Variants in BPTF observed in about 807,000 individuals in gnomAD.
BPTF encodes the protein nucleosome-remodeling factor subunit BPTF.
BPTF carries 18 observed loss-of-function variants against 292.5 expected under a neutral mutation model. The observed-to-expected ratio is 0.06, with a 90% CI of 0.04 to 0.09. The LOEUF is 0.09. Among genes scored for constraint, BPTF ranks in the 10% least tolerant of loss-of-function variants. BPTF has a pLI of 1.00. For synonymous variants in BPTF, 1,225 were observed against 1,251.9 expected, an observed-to-expected ratio of 0.98 and a Z score of 0.45; for missense variants, 2,726 against 3,498.7, an observed-to-expected ratio of 0.78 and a Z score of 5.57.
chr17:67,929,439 A>G lies in BPTF; in HGVS notation c.6102A>G (p.Thr2034=). Residue 2034 remains threonine, a synonymous_variant, in exon 17 of 28, where the codon ACA becomes ACG. Transcript: ENST00000306378. ...TCCAGCCCAGGACAGCAACAGTCAC[A>G]ATTAGGCCCAATACCTCAGGCTCTG... ...TSFQPRTATV[T]IRPNTSGSGG... 1.2e-6 allele frequency: 2 copies of G among 1,614,166 alleles called. No homozygotes were observed. Among genetic ancestry groups the G allele is most frequent in the Middle Eastern group, 3.3e-4 (2 of 6,060 alleles).
At chr17:67,849,148 A>G (rs1460798754) in intron 1 of BPTF, among the ~76,000 whole-genome samples, 1 of 152,158 alleles carries the variant, frequency 6.6e-6, no homozygotes, top group Non-Finnish European at 1.5e-5. Flanking sequence ...AGTGGTTTTC[A>G]AACTTGCCGC....
At chr17:67,908,528 T>C (rs1414565885) in intron 9 of BPTF, among the ~76,000 whole-genome samples, 2 of 144,394 alleles carry the variant, frequency 1.4e-5, no homozygotes, top group African/African-American at 5.1e-5. Flanking sequence ...AGTCTCACTC[T>C]GTCACCCAGG....
chr17:67,968,846 G>A (rs191766741), intron 26 of BPTF, among the ~76,000 whole-genome samples: 1 of 151,344 alleles, frequency 6.6e-6, no homozygotes, highest in East Asian at 1.9e-4. Flanking sequence ...GCCCGGCGTG[G>A]TGGCACATGC....
chr17:67,867,175 G>A (rs569134692), intron 3 of BPTF, among the ~76,000 whole-genome samples: 121 of 152,208 alleles, frequency 7.9e-4, no homozygotes, highest in African/African-American at 2.8e-3. Context: ...CTGTAAATTA[G>A]GGATGCTATA....
chr17:67,860,370 C>T (rs1567920653), intron 2 of BPTF, among the ~76,000 whole-genome samples: 1 of 152,142 alleles, frequency 6.6e-6, no homozygotes, highest in Non-Finnish European at 1.5e-5. Flanking sequence ...TTATAGTATG[C>T]AGAGGTTTTA....
At chr17:67,914,139 C>T (rs1056350590) in intron 11 of BPTF, among the ~76,000 whole-genome samples, 2 of 152,078 alleles carry the variant, frequency 1.3e-5, no homozygotes, top group Admixed American at 1.3e-4. Context: ...ATTATTTCAG[C>T]GAGTTACTGA....
chr17:67,977,977 C>G (rs2069749951), intron 27 of BPTF: 1 of 151,040 alleles, frequency 6.6e-6, no homozygotes, highest in Non-Finnish European at 1.5e-5. Flanking sequence ...GCCTCAGCCT[C>G]CCTAGTAGCT....
intron 2 of BPTF, among the ~76,000 whole-genome samples, chr17:67,865,171 G>A (rs959400792): frequency 6.6e-6 from 1 of 152,118 alleles, no homozygotes; most frequent in African/African-American, 2.4e-5. Context: ...ACGGCATGTT[G>A]GCACTCAAAA....
intron 3 of BPTF, among the ~76,000 whole-genome samples, chr17:67,869,043 A>G (rs1322437302): frequency 5.3e-5 from 8 of 152,228 alleles, no homozygotes; most frequent in African/African-American, 1.9e-4. Context: ...CAGTAACACA[A>G]TCTCCGTCTT....
chr17:67,956,694 TG>T (rs2066977815), intron 23 of BPTF: 1 of 146,566 alleles, frequency 6.8e-6, no homozygotes, highest in Admixed American at 6.9e-5. Flanking sequence ...TCAGGCACAG[TG>T]GCTTACGCCT....
chr17:67,922,512 G>A (rs2063522788), intron 13 of BPTF, among the ~76,000 whole-genome samples: 2 of 152,148 alleles, frequency 1.3e-5, no homozygotes, highest in African/African-American at 2.4e-5. Context: ...GATGAGCGGT[G>A]GAGGCTTGGA....
In BPTF at chr17:67,875,699, A is replaced by G. The variant is rs749866753; in HGVS notation, c.1864+679A>G. ...CTCAGAAACCCCCGATAGCAGCAAC[A>G]TGGCAGAGAAGAAGGTGGCATCTGA... On this transcript the variant is annotated intron_variant, in intron 4 of 27. Coordinates refer to ENST00000306378, the MANE Select transcript of BPTF (RefSeq NM_182641.4). 18 of 1,605,032 alleles carry G rather than the reference A, an allele frequency of 1.1e-5. No individual in the cohort carries two copies. The East Asian group carries it at 2.7e-4, about 24-fold the overall frequency.
At chr17:67,899,274 C>T (rs140546512) in intron 7 of BPTF, among the ~76,000 whole-genome samples, 80 of 152,288 alleles carry the variant, frequency 5.3e-4, no homozygotes, top group African/African-American at 1.8e-3. Flanking sequence ...CAGAGCCAGC[C>T]GCTTTGGATG....
intron 11 of BPTF, 88 bp downstream of exon 11, chr17:67,913,275 A>T (rs554258799): frequency 1.9e-5 from 28 of 1,465,676 alleles, no homozygotes; most frequent in Non-Finnish European, 2.5e-5. Flanking sequence ...AAAATGAGAT[A>T]ATAGAGATAA....
rs146030885 is a variant in BPTF, at chr17:67,897,588, G to A, written c.2543+3423G>A. Reference sequence around the variant, plus strand: ...CCACTGCCACAGAAAGGGACCCACCGAGCTCCTTTTGGGTGGGGGGAAGGG... The same window carrying A: ...CCACTGCCACAGAAAGGGACCCACCAAGCTCCTTTTGGGTGGGGGGAAGGG... On this transcript the variant is annotated intron_variant, in intron 7 of 27. Coordinates refer to ENST00000306378, the MANE Select transcript of BPTF (RefSeq NM_182641.4). 5.5e-3 allele frequency among the ~76,000 whole-genome samples: 839 copies of A among 152,100 alleles called. 4 individuals are homozygous for A. Among genetic ancestry groups the A allele is most frequent in the Non-Finnish European group, 8.8e-3 (596 of 67,996 alleles).
At chr17:67,830,152 G>T (rs1254878630) in intron 1 of BPTF, among the ~76,000 whole-genome samples, 2 of 152,160 alleles carry the variant, frequency 1.3e-5, no homozygotes, top group Non-Finnish European at 2.9e-5. Flanking sequence ...ATAGGCATTT[G>T]GTAAGGTTCT....
At position 67,940,491 on chromosome 17, in the gene BPTF, T is replaced by C; in HGVS notation, c.6312T>C (p.Thr2104=). 2 of 1,614,172 alleles carry C rather than the reference T, an allele frequency of 1.2e-6. No homozygotes were observed. The highest frequency in any genetic ancestry group is 2.2e-5 in the East Asian group (1 of 44,884). Reference sequence around the variant, plus strand: ...TCATCAGGGGGCAGCCTGTCTCCACTGCAGTCTCCGCCCCTAACACGGTTT... The same window carrying C: ...TCATCAGGGGGCAGCCTGTCTCCACCGCAGTCTCCGCCCCTAACACGGTTT... ...TQIIRGQPVS[T]AVSAPNTVSS... is the part of the protein sequence containing the mutation. Residue 2104 remains threonine (T), a synonymous_variant, in exon 19 of 28, where the codon ACT becomes ACC. Coordinates refer to ENST00000306378, the MANE Select transcript of BPTF (RefSeq NM_182641.4).
chr17:67,840,484 T>TCCTCC (rs1442222634), intron 1 of BPTF, among the ~76,000 whole-genome samples: 1 of 151,934 alleles, frequency 6.6e-6, no homozygotes, highest in Non-Finnish European at 1.5e-5. Context: ...CTGCTGCTGC[T>TCCTCC]GCTCCTCCGC....
intron 12 of BPTF, among the ~76,000 whole-genome samples, chr17:67,919,258 A>G (rs1432263694): frequency 1.3e-5 from 2 of 151,356 alleles, no homozygotes; most frequent in African/African-American, 2.4e-5. Context: ...AGTTTTGGCC[A>G]TGTGTGGTGG....
Sources: allele counts gnomAD v4.1 joint callset (sites outside exome capture counted in the v4.1 genomes callset), GRCh38; gene constraint gnomAD v4.1.1; transcripts MANE v1.5; gene names NCBI Gene and HGNC (gene_info 2026-07-23, HGNC 2026-07-21).